Variants in USO1 observed in about 807,000 individuals in gnomAD.
USO1 encodes the protein USO1 vesicle transport factor.
USO1 carries 57 observed loss-of-function variants against 124.5 expected under a neutral mutation model. That is an observed-to-expected ratio of 0.46 (90% CI 0.37 to 0.57). The LOEUF is 0.57. Among genes scored for constraint, USO1 ranks in the 20% least tolerant of loss-of-function variants. The pLI, the probability that USO1 is intolerant of heterozygous loss-of-function variation, is 0.00. For missense variants in USO1, 900 were observed against 1,040.6 expected, an observed-to-expected ratio of 0.86 and a Z score of 1.86; for synonymous variants, 369 against 362.8, an observed-to-expected ratio of 1.02 and a Z score of -0.19.
At chr4:75,784,920 T>A (rs577509004) in intron 9 of USO1, among the ~76,000 whole-genome samples, 85 of 152,226 alleles carry the variant, frequency 5.6e-4, no homozygotes, top group Non-Finnish European at 1.1e-3. Context: ...AAACTGACTT[T>A]CTGTAGCTTA....
intron 23 of USO1, among the ~76,000 whole-genome samples, chr4:75,812,863 C>T (rs1224616613): frequency 6.6e-6 from 1 of 152,138 alleles, no homozygotes; most frequent in Non-Finnish European, 1.5e-5. Flanking sequence ...GTAATCCTAG[C>T]ACTTTGGGGG....
chr4:75,729,359 G>A (rs901445768), intron 1 of USO1, among the ~76,000 whole-genome samples: 1 of 150,602 alleles, frequency 6.6e-6, no homozygotes, highest in African/African-American at 2.4e-5. Flanking sequence ...GGGGGGTGGG[G>A]TACGAAGTCT....
chr4:75,782,653 C>A, intron 8 of USO1, 27 bp from the exon 9 acceptor site: 1 of 1,525,428 alleles, frequency 6.6e-7, no homozygotes. Flanking sequence ...CGAGCCTTAA[C>A]GCTTGTGTTT....
intron 23 of USO1, among the ~76,000 whole-genome samples, chr4:75,812,870 G>A (rs187424033): frequency 1.3e-5 from 2 of 152,214 alleles, no homozygotes; most frequent in East Asian, 1.9e-4. Context: ...TAGCACTTTG[G>A]GGGGCTGAGG....
At chr4:75,744,841 C>G (rs377276519) in intron 1 of USO1, 7 of 440,392 alleles carry the variant, frequency 1.6e-5, no homozygotes, top group African/African-American at 1.2e-4. Flanking sequence ...TAAGATACTT[C>G]CGATGTGTTT....
At chr4:75,804,462 T>G (rs1410023020) in intron 18 of USO1, among the ~76,000 whole-genome samples, 190 bp downstream of exon 18, 1 of 152,218 alleles carries the variant, frequency 6.6e-6, no homozygotes, top group Non-Finnish European at 1.5e-5. Context: ...CTTTAGAGAT[T>G]GAAGTCCAAG....
chr4:75,803,373 C>T (rs1284826288), intron 17 of USO1, among the ~76,000 whole-genome samples: 3 of 151,858 alleles, frequency 2.0e-5, no homozygotes, highest in Non-Finnish European at 4.4e-5. Context: ...TCTGGCCGGG[C>T]ACGGTGGCTC....
intron 1 of USO1, among the ~76,000 whole-genome samples, chr4:75,739,652 T>G (rs1720900793): frequency 6.6e-6 from 1 of 150,384 alleles, no homozygotes; most frequent in Non-Finnish European, 1.5e-5. Flanking sequence ...GTTTAAGTGA[T>G]TCTCCTGCCT....
intron 23 of USO1, among the ~76,000 whole-genome samples, chr4:75,812,874 GC>G (rs1723189349): frequency 6.6e-6 from 1 of 152,134 alleles, no homozygotes; most frequent in East Asian, 1.9e-4. Context: ...ACTTTGGGGG[GC>G]TGAGGTGGGC....
chr4:75,745,096 A>G (rs1721085309), intron 1 of USO1, among the ~76,000 whole-genome samples: 1 of 152,144 alleles, frequency 6.6e-6, no homozygotes, highest in Non-Finnish European at 1.5e-5. Context: ...TATCTGTTAT[A>G]GTAATGAGCT....
At chr4:75,778,484 T>C (rs1238235547) in intron 8 of USO1, among the ~76,000 whole-genome samples, 2 of 152,076 alleles carry the variant, frequency 1.3e-5, no homozygotes, top group African/African-American at 2.4e-5. Context: ...GAAGAAAACA[T>C]ATATATAAGT....
intron 9 of USO1, among the ~76,000 whole-genome samples, chr4:75,786,741 C>T (rs1356002538): frequency 2.0e-5 from 3 of 152,200 alleles, no homozygotes; most frequent in Non-Finnish European, 4.4e-5. Context: ...ATCTGCCACT[C>T]TGTAACTTAT....
At chr4:75,809,813 C>G (rs1479970928) in intron 21 of USO1, among the ~76,000 whole-genome samples, 1 of 152,194 alleles carries the variant, frequency 6.6e-6, no homozygotes, top group Non-Finnish European at 1.5e-5. Flanking sequence ...GTCCATATCT[C>G]TAGCAACAGT....
At chr4:75,790,059 CAAAA>C (rs199899130) in intron 10 of USO1, 87 bp from the exon 11 acceptor site, 26 of 850,894 alleles carry the variant, frequency 3.1e-5, no homozygotes, top group South Asian at 1.2e-4. Flanking sequence ...AAAAAAAAAA[CAAAA>C]AAAAAAGATT....
At chr4:75,735,073 T>C (rs1720750472) in intron 1 of USO1, among the ~76,000 whole-genome samples, 1 of 152,116 alleles carries the variant, frequency 6.6e-6, no homozygotes, top group Admixed American at 6.6e-5. Flanking sequence ...CATGGGATGT[T>C]TTTCCAGTGG....
intron 3 of USO1, chr4:75,755,449 G>C: frequency 1.9e-6 from 1 of 519,846 alleles, no homozygotes; most frequent in Non-Finnish European, 3.8e-6. Flanking sequence ...CACCAGTTCA[G>C]TGAAGTGTGA....
chr4:75,745,895 G>C (rs935607874), intron 1 of USO1, among the ~76,000 whole-genome samples: 1 of 151,716 alleles, frequency 6.6e-6, no homozygotes, highest in South Asian at 2.1e-4. Context: ...GTGAGACTCC[G>C]TGTCAAATAA....
At chr4:75,752,875 A>G (rs1321738711) in intron 3 of USO1, among the ~76,000 whole-genome samples, 1 of 152,142 alleles carries the variant, frequency 6.6e-6, no homozygotes, top group Admixed American at 6.6e-5. Flanking sequence ...TTCAGATGTC[A>G]TTTCGATAAA....
At chr4:75,790,064 A>C (rs868419969) in intron 10 of USO1, 86 bp from the exon 11 acceptor site, 1 of 1,388,488 alleles carries the variant, frequency 7.2e-7, no homozygotes. Context: ...AAAAACAAAA[A>C]AAAAAGATTT....
Sources: allele counts gnomAD v4.1 joint callset (sites outside exome capture counted in the v4.1 genomes callset), GRCh38; gene constraint gnomAD v4.1.1; transcripts MANE v1.5; gene names NCBI Gene and HGNC (gene_info 2026-07-23, HGNC 2026-07-21).